Variants in NOMO2 observed in about 807,000 individuals in gnomAD.
The protein encoded by NOMO2 is NODAL modulator 2, also known as BOS complex subunit NOMO2.
Under a neutral mutation model 67.1 loss-of-function variants are expected in NOMO2, and 14 were observed. The ratio of observed to expected loss-of-function variants is 0.21; its 90% confidence interval spans 0.14 to 0.33. The LOEUF (loss-of-function observed/expected upper bound fraction) is 0.33. Among genes scored for constraint, NOMO2 ranks in the 10% least tolerant of loss-of-function variants. The pLI is 1.00. For synonymous variants in NOMO2, 80 were observed against 305.9 expected (o/e 0.26, Z 7.71); for missense variants, 178 against 761.0 (o/e 0.23, Z 9.01).
At chr16:18,553,100 C>T (rs1217572015) in intron 3 of NOMO2, among the ~76,000 whole-genome samples, 3 of 151,604 alleles carry the variant, frequency 2.0e-5, no homozygotes, top group Non-Finnish European at 4.4e-5. Flanking sequence ...CATGATGAAA[C>T]CCCATCTCTA....
chr16:18,537,177 C>T (rs1327536612), intron 11 of NOMO2, among the ~76,000 whole-genome samples: 1 of 152,106 alleles, frequency 6.6e-6, no homozygotes, highest in Non-Finnish European at 1.5e-5. Flanking sequence ...AAGAGCTCCA[C>T]CTAGTGGTCC....
At chr16:18,541,607 C>T (rs1372265476) in intron 9 of NOMO2, among the ~76,000 whole-genome samples, 2 of 144,184 alleles carry the variant, frequency 1.4e-5, no homozygotes, top group Non-Finnish European at 3.1e-5. Context: ...TTTGGGAAGC[C>T]GAGGCAGGCA....
In NOMO2 at chr16:18,554,298, G is replaced by A. The variant is rs1486453243; in HGVS notation, c.301+509C>T. On this transcript the variant is annotated intron_variant, in intron 3 of 30. Coordinates refer to ENST00000622306, the MANE Select transcript of NOMO2 (RefSeq NM_173614.4). Reference sequence around the variant, plus strand: ...ATATCTACCCTTGCTCGACAGTGAGGAGCCAGGCTGACACGGGGGAAGTAA... The same window carrying A: ...ATATCTACCCTTGCTCGACAGTGAGAAGCCAGGCTGACACGGGGGAAGTAA... 3.3e-5 allele frequency among the ~76,000 whole-genome samples: 5 copies of A among 151,890 alleles called. 1 individual carries two copies. The highest frequency in any genetic ancestry group is 7.3e-5 in the African/African-American group (3 of 41,312).
chr16:18,539,841 T>C (rs1230710594), intron 9 of NOMO2, among the ~76,000 whole-genome samples: 1 of 152,114 alleles, frequency 6.6e-6, no homozygotes. Flanking sequence ...TGTCTGTGTC[T>C]GTGTCTGTGC....
At chr16:18,544,362 T>C (rs541777977) in intron 6 of NOMO2, among the ~76,000 whole-genome samples, 2 of 152,030 alleles carry the variant, frequency 1.3e-5, no homozygotes, top group South Asian at 2.1e-4. Flanking sequence ...TTAATGAGCA[T>C]ATTTTGCCTT....
At chr16:18,550,508 C>CA (rs1248147919) in intron 4 of NOMO2, among the ~76,000 whole-genome samples, 1 of 151,704 alleles carries the variant, frequency 6.6e-6, no homozygotes, top group African/African-American at 2.4e-5. Flanking sequence ...GCCTCCCCGT[C>CA]ACCGCAAAGG....
intron 5 of NOMO2, among the ~76,000 whole-genome samples, chr16:18,548,606 G>T (rs1339017733): frequency 6.6e-6 from 1 of 152,082 alleles, no homozygotes; most frequent in Non-Finnish European, 1.5e-5. Flanking sequence ...AGCAAGGTCA[G>T]CTAGGCATCT....
chr16:18,537,394 CT>C (rs1901449246), intron 11 of NOMO2, among the ~76,000 whole-genome samples: 1 of 142,210 alleles, frequency 7.0e-6, no homozygotes, highest in South Asian at 2.2e-4. Context: ...CTCCATGCCA[CT>C]GTTTTCAGAA....
At position 18,561,191 on chromosome 16, in the gene NOMO2, A is replaced by AC. The variant is rs1261194265; in HGVS notation, c.165+684_165+685insG. Among the ~76,000 whole-genome samples, 149 of 141,226 alleles carry AC rather than the reference A, an allele frequency of 1.1e-3. 1 individual carries two copies. The highest frequency in any genetic ancestry group is 2.8e-3 in the East Asian group (13 of 4,642). 92.6% of individuals were successfully genotyped at this position (141,226 alleles called of 152,430 possible). Reference sequence around the variant, plus strand: ...ACTTAATTAAAAAAAAAAAAAAAAAAAAAAAAAAAAAAAAAACCTTTACAA... The same window carrying AC: ...ACTTAATTAAAAAAAAAAAAAAAAAACAAAAAAAAAAAAAAAACCTTTACAA... On this transcript the variant is annotated intron_variant, in intron 1 of 30. Transcript: ENST00000622306.
In NOMO2 at chr16:18,556,729, T is replaced by G. The variant is rs193033297; in HGVS notation, c.255+973A>C. Among the ~76,000 whole-genome samples, 291 of 152,278 alleles carry G rather than the reference T, an allele frequency of 1.9e-3. 2 individuals are homozygous for G. The highest frequency in any genetic ancestry group is 2.3e-3 in the Non-Finnish European group (156 of 68,032). On this transcript the variant is annotated intron_variant, in intron 2 of 30. Transcript: ENST00000622306. Reference sequence around the variant, plus strand: ...AGGTGTTTGTGGATACATATCGATGTGCATGTGTGCTTGTGTGTATTTCCA... The same window carrying G: ...AGGTGTTTGTGGATACATATCGATGGGCATGTGTGCTTGTGTGTATTTCCA...
In NOMO2 at chr16:18,543,619, C is replaced by G. The variant is rs1293740959; in HGVS notation, c.733G>C (p.Glu245Gln). The G allele has an allele frequency of 6.2e-7, 1 of 1,611,616 alleles. No homozygotes were observed. Among genetic ancestry groups the G allele is most frequent in the African/African-American group, 1.3e-5 (1 of 74,824 alleles). Residue 245 changes from glutamate (E) to glutamine (Q), a missense_variant and splice_region_variant, in exon 7 of 31, where the codon GAG becomes CAG. Coordinates refer to ENST00000622306, the MANE Select transcript of NOMO2 (RefSeq NM_173614.4). ...FLLFSSLVTK[E>Q]DVLGCNVSPV... ...CTTTTGTTCTTTTCTTTGCTTACCT[C>G]TTTAGTTACTAAAGAAGAAAAGAGA...
intron 4 of NOMO2, among the ~76,000 whole-genome samples, chr16:18,550,821 G>A (rs1270387342): frequency 9.2e-5 from 14 of 152,026 alleles, no homozygotes; most frequent in African/African-American, 3.1e-4. Flanking sequence ...TAGAGAGTGC[G>A]TCCTTCCAAT....
chr16:18,538,483 C>T (rs1901470399), intron 11 of NOMO2, 43 bp downstream of exon 11: 1 of 1,611,406 alleles, frequency 6.2e-7, no homozygotes, highest in Non-Finnish European at 8.5e-7. Flanking sequence ...CACTGGCTGC[C>T]AGCATATTTA....
At chr16:18,539,650 G>A (rs1318841356) in intron 9 of NOMO2, among the ~76,000 whole-genome samples, 2 of 151,800 alleles carry the variant, frequency 1.3e-5, no homozygotes, top group African/African-American at 2.4e-5. Flanking sequence ...CCAGCTACTC[G>A]GGAGGCTGAG....
At chr16:18,539,815 A>G (rs1459580600) in intron 9 of NOMO2, among the ~76,000 whole-genome samples, 19 of 151,948 alleles carry the variant, frequency 1.3e-4, no homozygotes, top group Admixed American at 1.0e-3. Context: ...ACGTGGTCCC[A>G]TGCTCCATGT....
rs1478668332 is a variant in NOMO2 at position 18,561,189 on chromosome 16, A to ACAAAC, written c.165+686_165+687insGTTTG. Among the ~76,000 whole-genome samples, 2 of 135,188 alleles carry ACAAAC rather than the reference A, an allele frequency of 1.5e-5. 1 individual carries two copies. The highest frequency in any genetic ancestry group is 4.4e-4 in the East Asian group (2 of 4,590). The allele number at this position is 135,188 out of a possible 152,430, so 88.7% of individuals were successfully genotyped here. A position where few individuals can be genotyped will look rare whatever the true frequency, so the allele number is the denominator to read the frequency against. Reference sequence around the variant, plus strand: ...CAACTTAATTAAAAAAAAAAAAAAAAAAAAAAAAAAAAAAAAAACCTTTAC... The same window carrying ACAAAC: ...CAACTTAATTAAAAAAAAAAAAAAAACAAACAAAAAAAAAAAAAAAAAACCTTTAC... On this transcript the variant is annotated intron_variant, in intron 1 of 30. Coordinates refer to ENST00000622306, the MANE Select transcript of NOMO2 (RefSeq NM_173614.4).
At chr16:18,545,183 C>A (rs1292929191) in intron 6 of NOMO2, among the ~76,000 whole-genome samples, 1 of 149,730 alleles carries the variant, frequency 6.7e-6, no homozygotes, top group African/African-American at 2.5e-5. Flanking sequence ...GCTACCTCCC[C>A]CTCCCAGGTT....
chr16:18,555,696 T>C (rs1271376250), intron 2 of NOMO2, among the ~76,000 whole-genome samples: 2 of 137,502 alleles, frequency 1.5e-5, no homozygotes, highest in East Asian at 2.1e-4. Flanking sequence ...GCAACCTCCG[T>C]CTCCTGGGTT....
chr16:18,544,529 G>A (rs1313491904), intron 6 of NOMO2, among the ~76,000 whole-genome samples: 3 of 152,034 alleles, frequency 2.0e-5, no homozygotes, highest in African/African-American at 4.8e-5. Flanking sequence ...GCAGCCAACT[G>A]TTCAAACCAT....
Sources: allele counts gnomAD v4.1 joint callset (sites outside exome capture counted in the v4.1 genomes callset), GRCh38; gene constraint gnomAD v4.1.1; transcripts MANE v1.5; gene names NCBI Gene and HGNC (gene_info 2026-07-23, HGNC 2026-07-21).